Variants in SLC9B2 observed in about 807,000 individuals in gnomAD.
SLC9B2 encodes solute carrier family 9 member B2, also known as sodium/hydrogen exchanger 9B2.
SLC9B2 carries 39 observed loss-of-function variants against 52.2 expected under a neutral mutation model. That is an observed-to-expected ratio of 0.75 (90% CI 0.58 to 0.98). The LOEUF (loss-of-function observed/expected upper bound fraction) is 0.98. SLC9B2 is among the 50% of genes least tolerant of loss of function. SLC9B2 has a pLI of 0.00. For missense variants in SLC9B2, 626 were observed against 637.5 expected (o/e 0.98, Z 0.19); for synonymous variants, 214 against 227.0 (o/e 0.94, Z 0.51).
intron 3 of SLC9B2, among the ~76,000 whole-genome samples, chr4:103,064,409 C>T (rs1378678981): frequency 2.0e-5 from 3 of 152,172 alleles, no homozygotes; most frequent in Non-Finnish European, 4.4e-5. Context: ...GAGACAAATA[C>T]TGCATGTTCT....
At chr4:103,069,401 G>T (rs542193921) in intron 1 of SLC9B2, among the ~76,000 whole-genome samples, 1 of 152,324 alleles carries the variant, frequency 6.6e-6, no homozygotes, top group East Asian at 1.9e-4. Context: ...ATTTGGATAA[G>T]CCTGAATTTG....
rs750956274 is a variant in SLC9B2, at chr4:103,047,040, G to A, written c.889+11C>T. The A allele has an allele frequency of 3.5e-5, 57 of 1,613,236 alleles. No homozygotes were observed. The South Asian group carries it at 5.8e-4, about 16-fold the overall frequency. On this transcript the variant is annotated intron_variant, in intron 7 of 11. Coordinates refer to ENST00000394785, the MANE Select transcript of SLC9B2 (RefSeq NM_178833.7). ...GCAAGAGTAAAGCCTGTTGTGAACT[G>A]ATTAGGTTACCTGTGGAAAAGGCTA...
At chr4:103,073,891 G>T (rs1578490105) in intron 1 of SLC9B2, among the ~76,000 whole-genome samples, 1 of 152,200 alleles carries the variant, frequency 6.6e-6, no homozygotes, top group African/African-American at 2.4e-5. Context: ...AAGTGTTCAG[G>T]TATGCCAGTA....
At chr4:103,069,258 G>A (rs1746410057) in intron 1 of SLC9B2, among the ~76,000 whole-genome samples, 1 of 152,142 alleles carries the variant, frequency 6.6e-6, no homozygotes, top group Non-Finnish European at 1.5e-5. Context: ...TGGAGCTTGT[G>A]GCAGGAGGCT....
At chr4:103,021,745 C>T (rs1741805596), downstream of SLC9B2, among the ~76,000 whole-genome samples, 1 of 152,134 alleles carries the variant, frequency 6.6e-6, no homozygotes, top group Admixed American at 6.5e-5. Flanking sequence ...GATTTCAGTG[C>T]CAACTTTCTT....
intron 4 of SLC9B2, among the ~76,000 whole-genome samples, chr4:103,051,958 T>TA (rs1240422162): frequency 6.6e-6 from 1 of 152,230 alleles, no homozygotes; most frequent in Non-Finnish European, 1.5e-5. Context: ...CCACTAATAA[T>TA]AGATTTTAAG....
chr4:103,049,464 T>C (rs971739081), intron 5 of SLC9B2, among the ~76,000 whole-genome samples: 1 of 152,148 alleles, frequency 6.6e-6, no homozygotes, highest in African/African-American at 2.4e-5. Flanking sequence ...GAAAATTCAT[T>C]CCTGTATTCA....
Position 103,031,737 on chromosome 4 carries a change from T to G in SLC9B2, c.1218A>C (p.Ala406=). The G allele has an allele frequency of 6.2e-7, 1 of 1,612,878 alleles. No individual in the cohort carries two copies. The highest frequency in any genetic ancestry group is 8.5e-7 in the Non-Finnish European group (1 of 1,179,224). The change falls in exon 10 of 12, where the codon GCA becomes GCC. Residue 406 remains alanine (A), a synonymous_variant. Transcript: ENST00000394785. ...FQPLLFGLIG[A]EVSIASLRPE... is the part of the protein sequence containing the mutation. The stretch of plus-strand genomic sequence containing the variant: ...GTCTGAGAGATGCAATAGATACCTC[T>G]GCTCCAATTAGTCCAAAAAGAAGGG...
intron 1 of SLC9B2, among the ~76,000 whole-genome samples, chr4:103,068,485 T>A (rs1457603425): frequency 6.6e-6 from 1 of 152,148 alleles, no homozygotes; most frequent in African/African-American, 2.4e-5. Context: ...AGAATGTAGA[T>A]ACAGTGCCTG....
At position 103,056,657 on chromosome 4, in the gene SLC9B2, T is replaced by C. The variant is rs574425882; in HGVS notation, c.442+1144A>G. 2.8e-3 allele frequency among the ~76,000 whole-genome samples: 434 copies of C among 152,370 alleles called. 1 individual carries two copies. The highest frequency in any genetic ancestry group is 4.8e-3 in the Non-Finnish European group (328 of 68,032). ...CACATACATTATTAAATTTTACTGA[T>C]ATAAAGGATGTGCAGCACACAGTTT... On this transcript the variant is annotated intron_variant, in intron 4 of 11. Transcript: ENST00000394785.
intron 1 of SLC9B2, among the ~76,000 whole-genome samples, chr4:103,073,666 A>G: frequency 6.6e-6 from 1 of 152,354 alleles, no homozygotes; most frequent in Admixed American, 6.5e-5. Flanking sequence ...CTCATGAAGG[A>G]AAACACTATA....
rs1044945241 is a variant in SLC9B2 at position 103,076,183 on chromosome 4, C to T, written c.-43+1G>A. The T allele has an allele frequency of 6.6e-6, 1 of 152,416 alleles. No individual in the cohort carries two copies. The highest frequency in any genetic ancestry group is 2.4e-5 in the African/African-American group (1 of 41,484). The allele number at this position is 152,416 out of a possible 1,614,324, so 9.4% of individuals were successfully genotyped here. A position where few individuals can be genotyped will look rare whatever the true frequency, so the allele number is the denominator to read the frequency against. On this transcript the variant is annotated splice_donor_variant, in intron 1 of 11. Coordinates refer to ENST00000394785, the MANE Select transcript of SLC9B2 (RefSeq NM_178833.7). LOFTEE classifies it low-confidence loss of function (5UTR_SPLICE). ...CCCTTAGTGTCTCTGGGGCCTCTCA[C>T]CTGGCAGTCTCCGGCGAAGTCGACC...
rs1744216788 is a variant in SLC9B2 at position 103,047,135 on chromosome 4, T to C, written c.805A>G (p.Thr269Ala). Residue 269 changes from threonine to alanine, a missense_variant, in exon 7 of 12, where the codon ACC becomes GCC. Transcript: ENST00000394785. ...GGYGVEKGVP[T>A]LLMAAGSFDD... ...AAGCTGCCAGCTGCCATGAGCAAGG[T>C]TGGGACACCCTTCTCAACACCATAG... is the stretch of plus-strand genomic sequence containing the variant. 3 of 1,613,976 alleles carry C rather than the reference T, an allele frequency of 1.9e-6. No homozygotes were observed. Among genetic ancestry groups the C allele is most frequent in the Non-Finnish European group, 2.5e-6 (3 of 1,179,946 alleles).
At position 103,026,411 on chromosome 4, in the gene SLC9B2, T is replaced by A. The variant is rs780592898; in HGVS notation, c.1573A>T (p.Lys525Ter). The stretch of plus-strand genomic sequence containing the variant: ...GTCTCTCCTTGAACTTCTTCATCTT[T>A]ATTTTGATGTTCAACTTTCTGCAGA... Reference protein sequence around the residue: ...RLLQKVEHQNKDEEVQGETSV... With the variant: ...RLLQKVEHQN The change falls in exon 12 of 12, where the codon AAA becomes TAA. Residue 525 changes from lysine to a stop codon, truncating the protein, a stop_gained. Transcript: ENST00000394785. LOFTEE classifies it high-confidence loss of function. 1.2e-6 allele frequency: 2 copies of A among 1,613,722 alleles called. No homozygotes were observed. Among genetic ancestry groups the A allele is most frequent in the Non-Finnish European group, 1.7e-6 (2 of 1,179,746 alleles).
intron 3 of SLC9B2, among the ~76,000 whole-genome samples, chr4:103,062,418 CA>C (rs879705053): frequency 1.9e-5 from 2 of 106,892 alleles, no homozygotes; most frequent in Non-Finnish European, 2.0e-5. Flanking sequence ...GACTCCATCT[CA>C]AAAAAAAAAA....
At chr4:103,033,544 G>A (rs1742888411) in intron 9 of SLC9B2, among the ~76,000 whole-genome samples, 1 of 152,098 alleles carries the variant, frequency 6.6e-6, no homozygotes, top group Admixed American at 6.6e-5. Context: ...ATAGTACAGA[G>A]ATACTATACC....
Position 103,067,537 on chromosome 4 carries a change from T to C in SLC9B2, c.14A>G (p.Asp5Gly), listed in dbSNP as rs1372699063. The change falls in exon 2 of 12, where the codon GAT becomes GGT. Residue 5 changes from aspartate to glycine, a missense_variant. By Grantham distance (94) the Asp-to-Gly change is moderately conservative. Transcript: ENST00000394785. Reference sequence around the variant, plus strand: ...TGAATCTTCATATGTAATTCTTTTATCTTCATCCCCCATTATTTATAATTA... The same window carrying C: ...TGAATCTTCATATGTAATTCTTTTACCTTCATCCCCCATTATTTATAATTA... MGDE[D>G]KRITYEDSEP... The C allele has an allele frequency of 6.2e-6, 10 of 1,611,096 alleles. No individual in the cohort carries two copies. Among genetic ancestry groups the C allele is most frequent in the Non-Finnish European group, 8.5e-6 (10 of 1,177,628 alleles).
At chr4:103,044,309 A>G (rs1002641575) in intron 8 of SLC9B2, among the ~76,000 whole-genome samples, 12 of 152,230 alleles carry the variant, frequency 7.9e-5, no homozygotes, top group African/African-American at 2.7e-4. Flanking sequence ...TAGAATGTTT[A>G]GTGATGATGG....
chr4:103,067,711 G>T, intron 1 of SLC9B2, 119 bp from the exon 2 acceptor site: 1 of 607,548 alleles, frequency 1.6e-6, no homozygotes, highest in Non-Finnish European at 2.9e-6. Context: ...TTTGAAATTA[G>T]ACTATTCTTA....
Sources: gnomAD v4.1 joint callset for allele counts (sites outside exome capture counted in the v4.1 genomes callset) on GRCh38, gnomAD v4.1.1 for gene constraint, MANE v1.5 for transcripts, NCBI Gene and HGNC (gene_info 2026-07-23, HGNC 2026-07-21) for gene names.